Variants in ASCC3 observed in about 807,000 individuals in gnomAD.
ASCC3 encodes activating signal cointegrator 1 complex subunit 3, also known as ASC-1 complex subunit P200.
Under a neutral mutation model 256.3 loss-of-function variants are expected in ASCC3, and 158 were observed. The ratio of observed to expected loss-of-function variants is 0.62; its 90% CI spans 0.54 to 0.70. ASCC3 has a LOEUF of 0.70. Ranked by LOEUF, ASCC3 falls within the 30% of genes least tolerant of loss-of-function variation. The probability of loss-of-function intolerance (pLI) is 0.00; values close to 1 mark genes in which losing one functional copy is unlikely to be tolerated. For synonymous variants in ASCC3, 948 were observed against 883.4 expected, an observed-to-expected ratio of 1.07 and a Z score of -1.30; for missense variants, 2,259 against 2,626.0, an observed-to-expected ratio of 0.86 and a Z score of 3.05.
intron 2 of ASCC3, among the ~76,000 whole-genome samples, chr6:100,865,845 C>A (rs1381644800): frequency 1.3e-5 from 2 of 152,116 alleles, no homozygotes; most frequent in Non-Finnish European, 2.9e-5. Context: ...ATAAAATTCA[C>A]AACATTATGG....
intron 29 of ASCC3, among the ~76,000 whole-genome samples, chr6:100,627,055 AATTT>A (rs562068794): frequency 1.6e-3 from 236 of 152,244 alleles, no homozygotes; most frequent in African/African-American, 5.4e-3. Flanking sequence ...CACATTTGAG[AATTT>A]ATTTTTGAGG....
At chr6:100,753,884 C>G (rs914174920) in intron 10 of ASCC3, among the ~76,000 whole-genome samples, 1 of 152,090 alleles carries the variant, frequency 6.6e-6, no homozygotes, top group Non-Finnish European at 1.5e-5. Context: ...AACATAAAAT[C>G]AATTTGCTTT....
chr6:100,824,359 A>G (rs752694348), intron 4 of ASCC3, among the ~76,000 whole-genome samples: 1 of 152,214 alleles, frequency 6.6e-6, no homozygotes, highest in Non-Finnish European at 1.5e-5. Context: ...GAATTCATTA[A>G]AAGTCAAAAA....
At chr6:100,632,182 TAA>T (rs35229827) in intron 25 of ASCC3, among the ~76,000 whole-genome samples, 1,529 of 102,040 alleles carry the variant, frequency 0.015, 20 homozygotes, top group African/African-American at 0.052. Flanking sequence ...GCAAACTATC[TAA>T]AAAAAAAAAA....
chr6:100,844,217 T>C (rs1169015320), intron 4 of ASCC3, among the ~76,000 whole-genome samples: 1 of 150,396 alleles, frequency 6.6e-6, no homozygotes, highest in African/African-American at 2.5e-5. Flanking sequence ...CCAGAATTTC[T>C]ACCACTCTTT....
intron 37 of ASCC3, among the ~76,000 whole-genome samples, chr6:100,532,014 T>C (rs549094316): frequency 1.3e-5 from 2 of 152,034 alleles, no homozygotes; most frequent in South Asian, 2.1e-4. Flanking sequence ...CATTGCACTA[T>C]GGAACACAAA....
intron 38 of ASCC3, among the ~76,000 whole-genome samples, chr6:100,516,731 T>C (rs1582372471): frequency 6.6e-6 from 1 of 152,142 alleles, no homozygotes; most frequent in African/African-American, 2.4e-5. Context: ...GTTGGGAACA[T>C]AAAGTTAAAA....
At chr6:100,771,859 T>G (rs995650256) in intron 8 of ASCC3, among the ~76,000 whole-genome samples, 1 of 143,750 alleles carries the variant, frequency 7.0e-6, no homozygotes, top group African/African-American at 2.6e-5. Flanking sequence ...AATAAAACAA[T>G]CTGCAAGTTT....
chr6:100,630,332 C>T (rs983315749), intron 26 of ASCC3, among the ~76,000 whole-genome samples: 1 of 152,050 alleles, frequency 6.6e-6, no homozygotes, highest in Non-Finnish European at 1.5e-5. Context: ...TGAATATGGA[C>T]TATATTCACA....
rs773837673 is a variant in ASCC3 at position 100,652,836 on chromosome 6, T to A, written c.2877A>T (p.Arg959=). The change falls in exon 18 of 42, where the codon CGA becomes CGT. Residue 959 remains arginine, a synonymous_variant. Coordinates refer to ENST00000369162, the MANE Select transcript of ASCC3 (RefSeq NM_006828.4). ...HREQLVIEVG[R]KLDKAQMIRF... Reference sequence around the variant, plus strand: ...GAATCATCTGAGCTTTGTCTAGTTTTCGTCCAACTTCAATGACCAACTGTT... The same window carrying A: ...GAATCATCTGAGCTTTGTCTAGTTTACGTCCAACTTCAATGACCAACTGTT... The A allele has an allele frequency of 6.2e-7, 1 of 1,613,970 alleles. No homozygotes were observed. Among genetic ancestry groups the A allele is most frequent in the Non-Finnish European group, 8.5e-7 (1 of 1,179,922 alleles).
At chr6:100,805,337 A>C (rs932370254) in intron 5 of ASCC3, among the ~76,000 whole-genome samples, 2 of 152,128 alleles carry the variant, frequency 1.3e-5, no homozygotes, top group African/African-American at 4.8e-5. Flanking sequence ...AGATGGAAAC[A>C]ACAGACACTA....
intron 10 of ASCC3, among the ~76,000 whole-genome samples, chr6:100,728,947 G>A (rs142871951): frequency 1.8e-3 from 281 of 152,102 alleles, no homozygotes; most frequent in African/African-American, 6.5e-3. Flanking sequence ...TTTTCACATC[G>A]GATAAAGTCA....
At chr6:100,526,363 A>C (rs1774576916) in intron 37 of ASCC3, among the ~76,000 whole-genome samples, 1 of 152,190 alleles carries the variant, frequency 6.6e-6, no homozygotes, top group African/African-American at 2.4e-5. Context: ...AAGGGTTGTT[A>C]TGTGGGTATA....
chr6:100,530,617 A>G, intron 37 of ASCC3: 1 of 798,916 alleles, frequency 1.3e-6, no homozygotes, highest in East Asian at 2.4e-5. Context: ...GCAGCAATAC[A>G]GTGTGAGTTC....
chr6:100,797,871 A>T (rs1769709396), intron 8 of ASCC3, among the ~76,000 whole-genome samples: 3 of 152,176 alleles, frequency 2.0e-5, no homozygotes, highest in South Asian at 4.1e-4. Context: ...TGTAGTGATA[A>T]ACTGATGCTG....
intron 37 of ASCC3, among the ~76,000 whole-genome samples, chr6:100,518,550 G>A (rs946311852): frequency 1.3e-5 from 2 of 152,032 alleles, no homozygotes; most frequent in African/African-American, 4.8e-5. Context: ...ATCAATAATG[G>A]TAAGGAGATA....
intron 17 of ASCC3, 117 bp from the exon 18 acceptor site, chr6:100,653,006 T>C: frequency 3.2e-6 from 3 of 936,520 alleles, no homozygotes; most frequent in Middle Eastern, 2.8e-4. Flanking sequence ...ACTTTTTAAT[T>C]ACAATTTTTA....
intron 36 of ASCC3, among the ~76,000 whole-genome samples, chr6:100,585,368 A>G (rs1166246862): frequency 5.3e-5 from 8 of 152,126 alleles, no homozygotes; most frequent in South Asian, 2.1e-4. Context: ...CCAGTTGATC[A>G]CATCGGCTCC....
At chr6:100,880,438 T>C (rs1769242299) in intron 1 of ASCC3, among the ~76,000 whole-genome samples, 1 of 152,244 alleles carries the variant, frequency 6.6e-6, no homozygotes, top group Non-Finnish European at 1.5e-5. Flanking sequence ...CCTAGAATTA[T>C]GCTTCTTTTA....
Sources: gnomAD v4.1 joint callset for allele counts (sites outside exome capture counted in the v4.1 genomes callset) on GRCh38, gnomAD v4.1.1 for gene constraint, MANE v1.5 for transcripts, NCBI Gene and HGNC (gene_info 2026-07-23, HGNC 2026-07-21) for gene names.